The following RPTOR variants were observed in gnomAD, a reference collection of about 807,000 sequenced individuals.
RPTOR encodes the protein regulatory-associated protein of mTOR.
RPTOR carries 21 observed loss-of-function variants against 169.9 expected under a neutral mutation model. The ratio of observed to expected loss-of-function variants is 0.12; its 90% CI spans 0.09 to 0.18. The LOEUF (loss-of-function observed/expected upper bound fraction) is 0.18, where lower values mean the gene tolerates loss of function less well. RPTOR is among the 10% of genes least tolerant of loss of function. RPTOR has a pLI of 1.00. For synonymous variants in RPTOR, 732 were observed against 753.2 expected (o/e 0.97, Z 0.46); for missense variants, 1,133 against 1,855.9 (o/e 0.61, Z 7.16).
intron 20 of RPTOR, among the ~76,000 whole-genome samples, chr17:80,906,767 A>C (rs529656444): frequency 6.6e-6 from 1 of 152,050 alleles, no homozygotes; most frequent in South Asian, 2.1e-4. Context: ...GTGACCTCCT[A>C]GATGGCAGCG....
At chr17:80,789,308 C>T (rs2067024194) in intron 6 of RPTOR, among the ~76,000 whole-genome samples, 1 of 152,102 alleles carries the variant, frequency 6.6e-6, no homozygotes, top group Admixed American at 6.5e-5. Context: ...TTACACTGAT[C>T]TTGTAGAGGC....
At chr17:80,665,453 CTTT>C (rs2065765000) in intron 3 of RPTOR, among the ~76,000 whole-genome samples, 1 of 25,424 alleles carries the variant, frequency 3.9e-5, no homozygotes, top group Non-Finnish European at 6.6e-5. Flanking sequence ...CTTTCCTTTC[CTTT>C]CCTTTCCTTT....
chr17:80,855,116 A>C (rs755711862), intron 11 of RPTOR, among the ~76,000 whole-genome samples: 8 of 152,254 alleles, frequency 5.3e-5, no homozygotes, highest in Non-Finnish European at 8.8e-5. Flanking sequence ...CATATTATCT[A>C]GTTCAAGATC....
intron 6 of RPTOR, among the ~76,000 whole-genome samples, chr17:80,783,671 C>T (rs1319429186): frequency 1.3e-5 from 2 of 152,218 alleles, no homozygotes; most frequent in Admixed American, 6.5e-5. Context: ...ACAATGGGGC[C>T]GTAGCCCAGA....
chr17:80,710,470 CA>C (rs2066178940), intron 4 of RPTOR, among the ~76,000 whole-genome samples: 1 of 151,974 alleles, frequency 6.6e-6, no homozygotes, highest in African/African-American at 2.4e-5. Context: ...TTTTGTAAAA[CA>C]AAAACAATCA....
At chr17:80,782,520 G>A (rs958851402) in intron 6 of RPTOR, among the ~76,000 whole-genome samples, 3 of 152,046 alleles carry the variant, frequency 2.0e-5, no homozygotes, top group Admixed American at 1.3e-4. Flanking sequence ...TGTATTTAGC[G>A]GGAAACTAAT....
At chr17:80,628,643 C>CA (rs974670764) in intron 2 of RPTOR, among the ~76,000 whole-genome samples, 1 of 149,276 alleles carries the variant, frequency 6.7e-6, no homozygotes, top group Non-Finnish European at 1.5e-5. Context: ...TCTCCCCACC[C>CA]TTTTTTTTTT....
intron 13 of RPTOR, among the ~76,000 whole-genome samples, chr17:80,877,251 C>A (rs796800428): frequency 6.6e-6 from 1 of 152,210 alleles, no homozygotes; most frequent in Non-Finnish European, 1.5e-5. Context: ...CCCTAGCCAG[C>A]GAAGTGGGAG....
At chr17:80,923,366 G>A (rs2068770451) in intron 22 of RPTOR, 124 bp from the exon 23 acceptor site, 4 of 1,029,676 alleles carry the variant, frequency 3.9e-6, no homozygotes, top group East Asian at 2.5e-5. Context: ...CTGGGTGACT[G>A]AGGACACCCC....
chr17:80,549,805 C>G (rs1178218256), intron 1 of RPTOR, among the ~76,000 whole-genome samples: 1 of 152,210 alleles, frequency 6.6e-6, no homozygotes, highest in African/African-American at 2.4e-5. Flanking sequence ...GACACTCTGT[C>G]TACATGCATG....
intron 4 of RPTOR, among the ~76,000 whole-genome samples, chr17:80,713,143 A>ACTGCAACCTCTGCCTCC (rs2066209806): frequency 1.3e-5 from 2 of 152,104 alleles, no homozygotes; most frequent in Admixed American, 1.3e-4. Flanking sequence ...ATCTTGGCTC[A>ACTGCAACCTCTGCCTCC]CTGCAACCTC....
chr17:80,591,262 C>A (rs1418442312), intron 1 of RPTOR, among the ~76,000 whole-genome samples: 2 of 95,942 alleles, frequency 2.1e-5, no homozygotes, highest in African/African-American at 3.7e-5. Flanking sequence ...CTCTCCTCCC[C>A]TCTCCTCCCC....
intron 5 of RPTOR, among the ~76,000 whole-genome samples, chr17:80,737,417 A>C (rs1044295671): frequency 6.6e-6 from 1 of 152,150 alleles, no homozygotes; most frequent in Non-Finnish European, 1.5e-5. Context: ...AAAAAAACCC[A>C]CCACCAGCCT....
chr17:80,835,022 T>C (rs2067548569), intron 9 of RPTOR, among the ~76,000 whole-genome samples: 1 of 152,238 alleles, frequency 6.6e-6, no homozygotes, highest in Non-Finnish European at 1.5e-5. Flanking sequence ...AAAATCTCCC[T>C]CAATGCTGCT....
At chr17:80,684,104 C>G (rs1476676338) in intron 3 of RPTOR, among the ~76,000 whole-genome samples, 2 of 152,192 alleles carry the variant, frequency 1.3e-5, no homozygotes, top group Non-Finnish European at 2.9e-5. Flanking sequence ...GGGGTGGAGT[C>G]AGGTGTAGAT....
At chr17:80,808,016 C>T (rs1351992509) in intron 7 of RPTOR, among the ~76,000 whole-genome samples, 2 of 152,134 alleles carry the variant, frequency 1.3e-5, no homozygotes, top group Non-Finnish European at 2.9e-5. Context: ...TAATCTAAGC[C>T]TGGCACAGTG....
At chr17:80,792,895 G>A (rs891797272) in intron 7 of RPTOR, among the ~76,000 whole-genome samples, 8 of 151,284 alleles carry the variant, frequency 5.3e-5, no homozygotes, top group African/African-American at 1.9e-4. Context: ...CGCCACCCCT[G>A]CGCCCTCCCC....
rs562996180 is a variant in RPTOR at position 80,552,890 on chromosome 17, A to G, written c.162+7099A>G. 4.7e-4 allele frequency among the ~76,000 whole-genome samples: 72 copies of G among 152,358 alleles called. 1 individual carries two copies. The highest frequency in any genetic ancestry group is 1.7e-3 in the African/African-American group (70 of 41,588). The stretch of plus-strand genomic sequence containing the variant: ...TATGTTAAGAGGTCAGGGGGTTGAA[A>G]ATAGCAGACCAGCAGACCAACATTC... On this transcript the variant is annotated intron_variant, in intron 1 of 33. Coordinates refer to ENST00000306801, the MANE Select transcript of RPTOR (RefSeq NM_020761.3).
intron 7 of RPTOR, among the ~76,000 whole-genome samples, chr17:80,809,299 C>CAA (rs1490008638): frequency 6.6e-6 from 1 of 152,214 alleles, no homozygotes; most frequent in Non-Finnish European, 1.5e-5. Flanking sequence ...TCCTGCAATT[C>CAA]TCGTGCCTTA....
Sources: allele counts gnomAD v4.1 joint callset (sites outside exome capture counted in the v4.1 genomes callset), GRCh38; gene constraint gnomAD v4.1.1; transcripts MANE v1.5; gene names NCBI Gene and HGNC (gene_info 2026-07-23, HGNC 2026-07-21).